PCDHAC1: variants seen among roughly 807,000 people sequenced by gnomAD.
The protein encoded by PCDHAC1 is protocadherin alpha-C1.
A neutral mutation model predicts 60.0 loss-of-function variants in PCDHAC1; 42 were observed. The observed-to-expected ratio is 0.70, with a 90% CI of 0.55 to 0.90. The LOEUF is 0.90. Among genes scored for constraint, PCDHAC1 ranks in the 40% least tolerant of loss-of-function variants. PCDHAC1 has a pLI of 0.00. For missense variants in PCDHAC1, 1,160 were observed against 1,222.3 expected (o/e 0.95, Z 0.76); for synonymous variants, 468 against 499.3 (o/e 0.94, Z 0.84).
At chr5:140,975,472 A>G (rs1012106018) in intron 1 of PCDHAC1, among the ~76,000 whole-genome samples, 2 of 152,250 alleles carry the variant, frequency 1.3e-5, no homozygotes, top group African/African-American at 4.8e-5. Flanking sequence ...AATTCTGCCT[A>G]TCAGTTTATA....
In PCDHAC1 at chr5:141,010,089, G is replaced by A. The variant is rs1588251277; in HGVS notation, c.*152G>A. 3.7e-6 allele frequency: 6 copies of A among 1,612,294 alleles called. No individual in the cohort carries two copies. The highest frequency in any genetic ancestry group is 5.1e-6 in the Non-Finnish European group (6 of 1,179,138). ...AAAGTTCCCTGTGTCTGTCTAGAAC[G>A]CATTTAACAGGTTTTGTCGTAAAAG... On this transcript the variant is annotated 3_prime_UTR_variant, in exon 4 of 4. Transcript: ENST00000253807.
chr5:140,928,313 T>TG lies in PCDHAC1; in HGVS notation c.1425dup (p.Lys476GlufsTer8), dbSNP rs1554205740. On this transcript the variant is annotated frameshift_variant, in exon 1 of 4. Coordinates refer to ENST00000253807, the MANE Select transcript of PCDHAC1 (RefSeq NM_018898.5). LOFTEE classifies it high-confidence loss of function. ...CGAGTGTTTGCCCAGGACCCCGACC[T>TG]GGGGAAGAATGGCCTTGTCTCTTAT... 6.2e-7 allele frequency: 1 copy of TG among 1,614,172 alleles called. No individual in the cohort carries two copies. Among genetic ancestry groups the TG allele is most frequent in the Non-Finnish European group, 8.5e-7 (1 of 1,180,044 alleles).
chr5:140,946,508 G>A (rs1352307719), intron 1 of PCDHAC1, among the ~76,000 whole-genome samples: 3 of 151,202 alleles, frequency 2.0e-5, no homozygotes, highest in Non-Finnish European at 3.0e-5. Flanking sequence ...GTATGTCAAA[G>A]ACCTATCCGC....
chr5:140,957,188 C>A (rs374236292), intron 1 of PCDHAC1, among the ~76,000 whole-genome samples: 1 of 151,992 alleles, frequency 6.6e-6, no homozygotes, highest in Middle Eastern at 3.4e-3. Flanking sequence ...TATTGATGAC[C>A]GATTGGGAAT....
At chr5:140,931,815 T>C (rs954167352) in intron 1 of PCDHAC1, among the ~76,000 whole-genome samples, 47 of 152,114 alleles carry the variant, frequency 3.1e-4, no homozygotes, top group African/African-American at 8.4e-4. Flanking sequence ...TAGAAAAGAA[T>C]TCTTGTCATA....
chr5:141,010,152 T>C lies in PCDHAC1; in HGVS notation c.*215T>C. The C allele has an allele frequency of 1.3e-6, 2 of 1,575,858 alleles. No individual in the cohort carries two copies. The highest frequency in any genetic ancestry group is 1.7e-6 in the Non-Finnish European group (2 of 1,159,570). On this transcript the variant is annotated 3_prime_UTR_variant, in exon 4 of 4. Coordinates refer to ENST00000253807, the MANE Select transcript of PCDHAC1 (RefSeq NM_018898.5). ...TGGTGTTAACTCTTTCTCTCCACTCTGGCTTGTTTTCAGAACCTAAAAAGC... is the reference window on the plus strand; with the variant it reads ...TGGTGTTAACTCTTTCTCTCCACTCCGGCTTGTTTTCAGAACCTAAAAAGC...
At chr5:140,999,280 T>C (rs782502393) in intron 3 of PCDHAC1, among the ~76,000 whole-genome samples, 2 of 152,228 alleles carry the variant, frequency 1.3e-5, no homozygotes, top group Non-Finnish European at 2.9e-5. Context: ...ATAGTAGTAA[T>C]ACCCATTCTT....
intron 3 of PCDHAC1, among the ~76,000 whole-genome samples, chr5:141,003,593 G>A (rs1291518572): frequency 6.6e-6 from 1 of 152,140 alleles, no homozygotes; most frequent in African/African-American, 2.4e-5. Flanking sequence ...GATTTTAGAT[G>A]TGAGCCACCA....
rs57893927 is a variant in PCDHAC1 at position 140,946,631 on chromosome 5, T to TATATATATATATATATATATATATATAC, written c.2433+17307_2433+17308insTATATATATATATATATATATATATACA. On this transcript the variant is annotated intron_variant, in intron 1 of 3. Transcript: ENST00000253807. ...TGTGAAATATATATATATATATATA[T>TATATATATATATATATATATATATATAC]ACAATGGAATACTCATCAGCCATTA... Among the ~76,000 whole-genome samples the TATATATATATATATATATATATATATAC allele has an allele frequency of 2.1e-3, 277 of 131,730 alleles. 14 individuals carry two copies. Among genetic ancestry groups the TATATATATATATATATATATATATATAC allele is most frequent in the African/African-American group, 7.7e-3 (221 of 28,616 alleles). The allele number at this position is 131,730 out of a possible 152,430, so 86.4% of individuals were successfully genotyped here.
intron 3 of PCDHAC1, among the ~76,000 whole-genome samples, chr5:140,999,657 C>A (rs1257419150): frequency 6.6e-6 from 1 of 152,156 alleles, no homozygotes; most frequent in Non-Finnish European, 1.5e-5. Flanking sequence ...CTGAGCCCTG[C>A]TGGGTTGCGG....
intron 3 of PCDHAC1, among the ~76,000 whole-genome samples, chr5:140,989,192 C>A (rs1458235302): frequency 6.6e-6 from 1 of 152,192 alleles, no homozygotes; most frequent in African/African-American, 2.4e-5. Context: ...GAATTACCCT[C>A]CCTTCTAGCT....
intron 3 of PCDHAC1, among the ~76,000 whole-genome samples, chr5:140,999,132 T>TC (rs2153955890): frequency 6.6e-6 from 1 of 152,278 alleles, no homozygotes; most frequent in African/African-American, 2.4e-5. Context: ...CTGGAAAATG[T>TC]CACAGCCGGA....
At chr5:140,977,337 G>A (rs1554238444) in intron 1 of PCDHAC1, among the ~76,000 whole-genome samples, 4 of 152,150 alleles carry the variant, frequency 2.6e-5, no homozygotes, top group South Asian at 2.1e-4. Context: ...GGGGAGAGAC[G>A]GTGATGATGA....
At chr5:140,994,717 A>G (rs1350882833) in intron 3 of PCDHAC1, among the ~76,000 whole-genome samples, 4 of 152,164 alleles carry the variant, frequency 2.6e-5, no homozygotes, top group African/African-American at 9.6e-5. Context: ...AAAAAAATTT[A>G]AAATACTGGG....
intron 3 of PCDHAC1, among the ~76,000 whole-genome samples, chr5:140,993,560 A>G (rs2097572904): frequency 6.6e-6 from 1 of 151,740 alleles, no homozygotes; most frequent in Non-Finnish European, 1.5e-5. Context: ...AGTATATAGT[A>G]TCCTTTCTAG....
chr5:140,963,072 CAG>C (rs1366711310), intron 1 of PCDHAC1, among the ~76,000 whole-genome samples: 5 of 151,824 alleles, frequency 3.3e-5, no homozygotes, highest in African/African-American at 1.2e-4. Flanking sequence ...GTGAAGGAGA[CAG>C]AAATATAAGA....
chr5:140,928,645 G>A lies in PCDHAC1; in HGVS notation c.1753G>A (p.Ala585Thr), dbSNP rs782494285. Residue 585 changes from alanine to threonine, a missense_variant, in exon 1 of 4, where the codon GCA (alanine) becomes ACA (threonine). Coordinates refer to ENST00000253807, the MANE Select transcript of PCDHAC1 (RefSeq NM_018898.5). ...TGGACACTTGGTCACAAAAGTGGTA[G>A]CAGAGGATGCTGACAGTGGTTCTAA... ...RTGHLVTKVV[A>T]EDADSGSNAW... The A allele has an allele frequency of 2.5e-6, 4 of 1,614,084 alleles. No homozygotes were observed. The highest frequency in any genetic ancestry group is 2.5e-6 in the Non-Finnish European group (3 of 1,180,038).
At chr5:140,966,097 C>T (rs1215509140) in intron 1 of PCDHAC1, 2 of 154,754 alleles carry the variant, frequency 1.3e-5, no homozygotes, top group Non-Finnish European at 2.9e-5. Flanking sequence ...GTTAGATCCG[C>T]CGCCTGGGTG....
At chr5:140,954,222 G>A (rs2094999300) in intron 1 of PCDHAC1, among the ~76,000 whole-genome samples, 1 of 152,132 alleles carries the variant, frequency 6.6e-6, no homozygotes, top group African/African-American at 2.4e-5. Context: ...TTTTGCTATT[G>A]TGAATAGTGC....
Sources: gnomAD v4.1 joint callset for allele counts (sites outside exome capture counted in the v4.1 genomes callset) on GRCh38, gnomAD v4.1.1 for gene constraint, MANE v1.5 for transcripts, NCBI Gene and HGNC (gene_info 2026-07-23, HGNC 2026-07-21) for gene names.